Variants in MYO9B observed in about 807,000 individuals in gnomAD.
MYO9B encodes the protein unconventional myosin-IXb.
Under a neutral mutation model 229.5 loss-of-function variants are expected in MYO9B, and 71 were observed. The ratio of observed to expected loss-of-function variants is 0.31; its 90% CI spans 0.26 to 0.38. The LOEUF (loss-of-function observed/expected upper bound fraction) is 0.38, where lower values mean the gene tolerates loss of function less well. MYO9B is among the 10% of genes least tolerant of loss of function. The pLI, the probability that MYO9B is intolerant of heterozygous loss-of-function variation, is 1.00. For missense variants in MYO9B, 2,255 were observed against 2,920.5 expected (o/e 0.77, Z 5.25); for synonymous variants, 1,185 against 1,235.8 (o/e 0.96, Z 0.86).
chr19:17,137,753 T>C (rs1194237498), intron 2 of MYO9B, among the ~76,000 whole-genome samples: 3 of 152,096 alleles, frequency 2.0e-5, no homozygotes, highest in African/African-American at 7.2e-5. Context: ...AGATCCTTTT[T>C]TTTTATTTGA....
chr19:17,192,300 A>G (rs865878137), intron 20 of MYO9B, among the ~76,000 whole-genome samples: 172 of 113,182 alleles, frequency 1.5e-3, no homozygotes, highest in Non-Finnish European at 1.4e-3. Context: ...AAAAAAAAAA[A>G]GGGGGGGCCA....
intron 1 of MYO9B, among the ~76,000 whole-genome samples, chr19:17,089,569 G>A (rs1367016293): frequency 2.0e-5 from 3 of 152,114 alleles, no homozygotes; most frequent in East Asian, 1.9e-4. Flanking sequence ...CCTTGAGAGC[G>A]GCTAATTCAC....
intron 1 of MYO9B, among the ~76,000 whole-genome samples, chr19:17,078,775 G>C (rs2057509258): frequency 6.6e-6 from 1 of 152,196 alleles, no homozygotes; most frequent in African/African-American, 2.4e-5. Flanking sequence ...TACCTTTGAA[G>C]CCCGGCCTGT....
Position 17,180,928 on chromosome 19 carries a change from G to A in MYO9B, c.2221G>A (p.Asp741Asn), listed in dbSNP as rs1599399364. Residue 741 changes from aspartate (D) to asparagine (N), a missense_variant and splice_region_variant, in exon 15 of 40, where the codon GAT becomes AAT. Physicochemically the swap from Asp to Asn is conservative, Grantham distance 23 (BLOSUM62 1). Coordinates refer to ENST00000682292, the MANE Select transcript of MYO9B (RefSeq NM_004145.4). ...ASTPSEKLYRDLHNQMIKSIK... is the reference protein window; with the variant it reads ...ASTPSEKLYRNLHNQMIKSIK... Reference sequence around the variant, plus strand: ...CGCCCCCTCCACCCCTCCCCTCAGCGATTTGCATAACCAAATGATCAAGAG... The same window carrying A: ...CGCCCCCTCCACCCCTCCCCTCAGCAATTTGCATAACCAAATGATCAAGAG... 1 of 1,603,066 alleles carries A rather than the reference G, an allele frequency of 6.2e-7. No homozygotes were observed. The highest frequency in any genetic ancestry group is 2.3e-5 in the East Asian group (1 of 44,004).
intron 2 of MYO9B, among the ~76,000 whole-genome samples, chr19:17,128,506 C>G (rs1171440316): frequency 6.6e-6 from 1 of 152,244 alleles, no homozygotes; most frequent in Non-Finnish European, 1.5e-5. Flanking sequence ...CTTGGCAGAC[C>G]TGGCAGAGCA....
chr19:17,114,923 CCT>C (rs2057886035), intron 2 of MYO9B, among the ~76,000 whole-genome samples: 1 of 137,022 alleles, frequency 7.3e-6, no homozygotes, highest in Non-Finnish European at 1.7e-5. Context: ...TTGCTTTTCC[CCT>C]TTTTTTTTTT....
chr19:17,172,593 C>T lies in MYO9B; in HGVS notation c.1935+116C>T, dbSNP rs1045321066. 3.2e-5 allele frequency: 47 copies of T among 1,482,686 alleles called. No homozygotes were observed. Among genetic ancestry groups the T allele is most frequent in the Non-Finnish European group, 3.9e-5 (43 of 1,095,086 alleles). The allele number at this position is 1,482,686 out of a possible 1,614,324, so 91.8% of individuals were successfully genotyped here. A position where few individuals can be genotyped will look rare whatever the true frequency, so the allele number is the denominator to read the frequency against. ...GTTCCAGGGTGCTCAGAACCCACCGCGAATCCCCGGCTCCAATGTCCAAGG... is the reference window on the plus strand; with the variant it reads ...GTTCCAGGGTGCTCAGAACCCACCGTGAATCCCCGGCTCCAATGTCCAAGG... On this transcript the variant is annotated intron_variant, in intron 12 of 39. Transcript: ENST00000682292. The surrounding 1 kb of genome is among the most constrained non-coding windows in gnomAD (Gnocchi z 8.2).
chr19:17,118,760 C>T (rs1261475815), intron 2 of MYO9B, among the ~76,000 whole-genome samples: 2 of 152,080 alleles, frequency 1.3e-5, no homozygotes, highest in Non-Finnish European at 2.9e-5. Flanking sequence ...CGCCTGGGAT[C>T]ACAGGCGTGA....
chr19:17,140,613 T>C (rs1193042489), intron 2 of MYO9B, among the ~76,000 whole-genome samples: 1 of 151,740 alleles, frequency 6.6e-6, no homozygotes, highest in Non-Finnish European at 1.5e-5. Context: ...CTCAGCCTCC[T>C]GAGTAGCTGG....
chr19:17,200,938 A>T, intron 26 of MYO9B, 109 bp downstream of exon 26: 1 of 1,285,098 alleles, frequency 7.8e-7, no homozygotes, highest in Non-Finnish European at 1.1e-6. Context: ...GCAGGTCAAG[A>T]ATACAAAGTC....
intron 24 of MYO9B, 96 bp from the exon 25 acceptor site, chr19:17,200,197 G>T: frequency 6.9e-7 from 1 of 1,451,590 alleles, no homozygotes; most frequent in Non-Finnish European, 9.3e-7. Flanking sequence ...GTCAGGCATT[G>T]ATAGAGCATT....
intron 2 of MYO9B, among the ~76,000 whole-genome samples, chr19:17,121,262 G>T (rs1452691774): frequency 6.6e-6 from 1 of 151,854 alleles, no homozygotes; most frequent in Non-Finnish European, 1.5e-5. Context: ...TAACACACCC[G>T]CTTACTTGTA....
At chr19:17,103,324 C>G (rs116608236) in intron 2 of MYO9B, 1 of 152,074 alleles carries the variant, frequency 6.6e-6, no homozygotes, top group East Asian at 1.9e-4. Context: ...TCACAGTTCC[C>G]GAAAGAAGAG....
intron 1 of MYO9B, among the ~76,000 whole-genome samples, chr19:17,099,794 G>C (rs1423800098): frequency 7.0e-6 from 1 of 143,146 alleles, no homozygotes; most frequent in Admixed American, 7.3e-5. Flanking sequence ...GTCCGGCCTG[G>C]GTGAAAAAGC....
chr19:17,133,140 CCGG>C (rs1489143675), intron 2 of MYO9B, among the ~76,000 whole-genome samples: 5 of 152,130 alleles, frequency 3.3e-5, no homozygotes, highest in African/African-American at 1.2e-4. Flanking sequence ...GCCACTGCGC[CCGG>C]CCTATTTTAT....
intron 1 of MYO9B, among the ~76,000 whole-genome samples, chr19:17,077,048 A>G (rs577454941): frequency 6.6e-6 from 1 of 152,192 alleles, no homozygotes; most frequent in East Asian, 1.9e-4. Flanking sequence ...CCAGCCAGAG[A>G]GTCCCAACTC....
intron 13 of MYO9B, among the ~76,000 whole-genome samples, chr19:17,174,184 C>T (rs1180816278): frequency 6.6e-5 from 10 of 152,042 alleles, no homozygotes; most frequent in Non-Finnish European, 1.5e-4. Context: ...CACCCGCCAC[C>T]ACGCCTGGCT....
At chr19:17,185,029 C>T in intron 17 of MYO9B, 42 bp downstream of exon 17, 1 of 1,612,832 alleles carries the variant, frequency 6.2e-7, no homozygotes, top group South Asian at 1.1e-5. Flanking sequence ...GTCAGCTCAG[C>T]CTCAGGCTTG....
In MYO9B at chr19:17,159,493, T is replaced by C; in HGVS notation, c.1419+9T>C. On this transcript the variant is annotated intron_variant, in intron 8 of 39. Transcript: ENST00000682292. The stretch of plus-strand genomic sequence containing the variant: ...CCTACAGCCTCAGCGAGGTGAGCTC[T>C]GCCCAGGCACTCACAGGGTGCCAGA... The C allele has an allele frequency of 6.2e-7, 1 of 1,603,262 alleles. No individual in the cohort carries two copies. Among genetic ancestry groups the C allele is most frequent in the Non-Finnish European group, 8.5e-7 (1 of 1,174,664 alleles).
Sources: allele counts gnomAD v4.1 joint callset (sites outside exome capture counted in the v4.1 genomes callset), GRCh38; gene constraint gnomAD v4.1.1; non-coding constraint Gnocchi (gnomAD v3.1); transcripts MANE v1.5; gene names NCBI Gene and HGNC (gene_info 2026-07-23, HGNC 2026-07-21).